PCDHA10: variants seen among roughly 807,000 people sequenced by gnomAD.
PCDHA10 encodes protocadherin alpha-10.
In PCDHA10, 45 loss-of-function variants were observed where a neutral mutation model predicts 61.2. The ratio of observed to expected loss-of-function variants is 0.74; its 90% CI spans 0.58 to 0.94. PCDHA10 has a LOEUF of 0.94. Ranked by LOEUF, PCDHA10 falls within the 40% of genes least tolerant of loss-of-function variation. The pLI, the probability that PCDHA10 is intolerant of heterozygous loss-of-function variation, is 0.00. For synonymous variants in PCDHA10, 602 were observed against 548.8 expected (o/e 1.10, Z -1.35); for missense variants, 1,278 against 1,236.2 (o/e 1.03, Z -0.51).
chr5:140,940,158 C>T (rs1159450232), intron 1 of PCDHA10, among the ~76,000 whole-genome samples: 3 of 151,970 alleles, frequency 2.0e-5, no homozygotes, highest in African/African-American at 7.3e-5. Context: ...TTTTTGTTTG[C>T]CTGAAATGTC....
At chr5:140,999,638 CTG>C (rs2097866913) in intron 3 of PCDHA10, among the ~76,000 whole-genome samples, 1 of 152,170 alleles carries the variant, frequency 6.6e-6, no homozygotes, top group Non-Finnish European at 1.5e-5. Flanking sequence ...GTAGAGAAAA[CTG>C]TGCAGCCTGA....
intron 1 of PCDHA10, among the ~76,000 whole-genome samples, chr5:140,895,035 C>T (rs1235775113): frequency 6.6e-6 from 1 of 152,104 alleles, no homozygotes; most frequent in East Asian, 1.9e-4. Context: ...AATTGTCCCC[C>T]ACCCACACCA....
rs145919251 is a variant in PCDHA10, at chr5:140,979,502, C to T, written c.2447+495C>T. On this transcript the variant is annotated intron_variant, in intron 2 of 3. Coordinates refer to ENST00000307360, the MANE Select transcript of PCDHA10 (RefSeq NM_018901.4). Reference sequence around the variant, plus strand: ...GTGTTCACACCTATTAGAGCCTCCTCATCTTTCCCATCTGTTGCTATCTTA... The same window carrying T: ...GTGTTCACACCTATTAGAGCCTCCTTATCTTTCCCATCTGTTGCTATCTTA... 1.1e-3 allele frequency among the ~76,000 whole-genome samples: 170 copies of T among 152,258 alleles called. 4 individuals are homozygous for T. In the East Asian group the frequency reaches 0.028, roughly 25 times the overall value.
chr5:140,955,839 A>G (rs527318905), intron 1 of PCDHA10, among the ~76,000 whole-genome samples: 8 of 152,162 alleles, frequency 5.3e-5, no homozygotes, highest in African/African-American at 1.9e-4. Flanking sequence ...GTGGTTTGTC[A>G]TTCTCCTTGA....
intron 1 of PCDHA10, among the ~76,000 whole-genome samples, chr5:140,887,221 C>T (rs149306651): frequency 9.2e-5 from 14 of 151,858 alleles, no homozygotes; most frequent in Non-Finnish European, 1.3e-4. Flanking sequence ...CTCAGCCTCC[C>T]GAGTAGCTGA....
At chr5:140,894,808 A>G (rs541905033) in intron 1 of PCDHA10, among the ~76,000 whole-genome samples, 2 of 152,096 alleles carry the variant, frequency 1.3e-5, no homozygotes, top group African/African-American at 4.8e-5. Flanking sequence ...AAATAATTTT[A>G]TATCAGATTT....
chr5:140,972,660 AT>A (rs11350929), intron 1 of PCDHA10, among the ~76,000 whole-genome samples: 34,850 of 117,234 alleles, frequency 0.3, 4,025 homozygotes, highest in East Asian at 0.43. Context: ...AAGAAACCAA[AT>A]TTTTTTTTTT....
rs371906545 is a variant in PCDHA10, at chr5:140,875,244, A to C, written c.2388+16808A>C. 9 of 951,720 alleles carry C rather than the reference A, an allele frequency of 9.5e-6. No homozygotes were observed. The East Asian group carries it at 2.2e-4, about 24-fold the overall frequency. The allele number at this position is 951,720 out of a possible 1,614,324, so 59.0% of individuals were successfully genotyped here. A position where few individuals can be genotyped will look rare whatever the true frequency, so the allele number is the denominator to read the frequency against. ...TCAGGATCTTTCTTGTACTTACATA[A>C]TCAGTCACATGATGTCGCTCTACAC... On this transcript the variant is annotated intron_variant, in intron 1 of 3. Transcript: ENST00000307360.
chr5:140,870,709 G>T (rs782475792), intron 1 of PCDHA10: 1 of 1,613,052 alleles, frequency 6.2e-7, no homozygotes, highest in Non-Finnish European at 8.5e-7. Context: ...CCAGGTGAGC[G>T]CGCGCGATGC....
chr5:140,989,010 A>G (rs2097325577), intron 3 of PCDHA10: 1 of 152,226 alleles, frequency 6.6e-6, no homozygotes, highest in Non-Finnish European at 1.5e-5. Context: ...GAGACTTATT[A>G]TAGTTTCTTC....
At chr5:140,936,266 A>G (rs1407459228) in intron 1 of PCDHA10, among the ~76,000 whole-genome samples, 1 of 152,182 alleles carries the variant, frequency 6.6e-6, no homozygotes, top group African/African-American at 2.4e-5. Context: ...TCATGAAGAT[A>G]TATTCCTGTG....
chr5:141,011,890 A>G lies in PCDHA10; in HGVS notation c.*1953A>G, dbSNP rs7701616. 0.061 allele frequency: 9,307 copies of G among 153,488 alleles called. 355 individuals carry two copies. The highest frequency in any genetic ancestry group is 0.11 in the South Asian group (541 of 4,828). The allele number at this position is 153,488 out of a possible 1,614,324, so 9.5% of individuals were successfully genotyped here. On this transcript the variant is annotated 3_prime_UTR_variant, in exon 4 of 4. Coordinates refer to ENST00000307360, the MANE Select transcript of PCDHA10 (RefSeq NM_018901.4). ...GTACAATTTAGAAGTTTGATTAATT[A>G]TATTATCTATTTAGGCATTAATATA... is the stretch of plus-strand genomic sequence containing the variant.
In PCDHA10 at chr5:140,968,167, A is replaced by G. The variant is rs782252124; in HGVS notation, c.2389-10782A>G. 1.3e-4 allele frequency: 217 copies of G among 1,613,958 alleles called. 1 individual carries two copies. The highest frequency in any genetic ancestry group is 9.3e-6 in the Non-Finnish European group (11 of 1,180,038). On this transcript the variant is annotated intron_variant, in intron 1 of 3. Transcript: ENST00000307360. ...TCTCTGACATCAATGACAATCCACC[A>G]AGCTTCCTGGAGGACTCCTATTCCA...
At chr5:140,991,682 C>G (rs1234700322) in intron 3 of PCDHA10, among the ~76,000 whole-genome samples, 2 of 152,170 alleles carry the variant, frequency 1.3e-5, no homozygotes, top group Non-Finnish European at 2.9e-5. Context: ...TCTGAGTCCT[C>G]TCTAGTAGAG....
Position 140,858,086 on chromosome 5 carries a change from C to T in PCDHA10, c.2038C>T (p.Arg680Trp), listed in dbSNP as rs1554151138. Reference protein sequence around the residue: ...EGSQAPKASSRASVGVAPEVA... With the variant: ...EGSQAPKASSWASVGVAPEVA... ...CAGCCAGGCACCCAAGGCCTCGTCG[C>T]GGGCTTCAGTGGGCGTGGCGCCCGA... Residue 680 changes from arginine (R) to tryptophan (W), a missense_variant, in exon 1 of 4, where the codon CGG becomes TGG. Coordinates refer to ENST00000307360, the MANE Select transcript of PCDHA10 (RefSeq NM_018901.4). 1 of 1,597,802 alleles carries T rather than the reference C, an allele frequency of 6.3e-7. No individual in the cohort carries two copies. Among genetic ancestry groups the T allele is most frequent in the Admixed American group, 1.7e-5 (1 of 59,304 alleles).
intron 1 of PCDHA10, among the ~76,000 whole-genome samples, chr5:140,976,160 T>A (rs1554237376): frequency 6.6e-6 from 1 of 152,196 alleles, no homozygotes; most frequent in Admixed American, 6.5e-5. Context: ...TTTTACTACT[T>A]TTAGTTTTGT....
chr5:140,875,498 C>G lies in PCDHA10; in HGVS notation c.2388+17062C>G. 1.9e-6 allele frequency: 3 copies of G among 1,613,292 alleles called. No homozygotes were observed. Among genetic ancestry groups the G allele is most frequent in the Non-Finnish European group, 1.7e-6 (2 of 1,179,476 alleles). ...ATGGTGATTATCGGACCAAGAGGCCCGGGATCCCAGCGTCTGCTGCTCTCG... is the reference window on the plus strand; with the variant it reads ...ATGGTGATTATCGGACCAAGAGGCCGGGGATCCCAGCGTCTGCTGCTCTCG... On this transcript the variant is annotated intron_variant, in intron 1 of 3. Transcript: ENST00000307360.
At chr5:140,926,860 C>T in intron 1 of PCDHA10, 1 of 1,521,078 alleles carries the variant, frequency 6.6e-7, no homozygotes, top group Non-Finnish European at 8.8e-7. Flanking sequence ...GTTGGTGTAG[C>T]GTGTTGGTGG....
chr5:140,989,242 C>T (rs562894633), intron 3 of PCDHA10, among the ~76,000 whole-genome samples: 5 of 152,226 alleles, frequency 3.3e-5, no homozygotes, highest in African/African-American at 1.2e-4. Flanking sequence ...GTTTTAAGCC[C>T]CTTGTCAAAA....
Sources: allele counts gnomAD v4.1 joint callset (sites outside exome capture counted in the v4.1 genomes callset), GRCh38; gene constraint gnomAD v4.1.1; transcripts MANE v1.5; gene names NCBI Gene and HGNC (gene_info 2026-07-23, HGNC 2026-07-21).